Variants in CHMP2B observed in about 807,000 individuals in gnomAD.
CHMP2B encodes charged multivesicular body protein 2B.
A neutral mutation model predicts 29.8 loss-of-function variants in CHMP2B; 22 were observed. The ratio of observed to expected loss-of-function variants is 0.74; its 90% CI spans 0.53 to 1.05. CHMP2B has a LOEUF of 1.05. Among genes scored for constraint, CHMP2B ranks in the 50% least tolerant of loss-of-function variants. CHMP2B has a pLI of 0.00. For synonymous variants in CHMP2B, 78 were observed against 75.8 expected, an observed-to-expected ratio of 1.03 and a Z score of -0.15; for missense variants, 261 against 252.2, an observed-to-expected ratio of 1.03 and a Z score of -0.24.
At position 87,245,921 on chromosome 3, in the gene CHMP2B, T is replaced by C. The variant is rs1178974156; in HGVS notation, c.321+13T>C. The C allele has an allele frequency of 6.3e-7, 1 of 1,582,218 alleles. No individual in the cohort carries two copies. The highest frequency in any genetic ancestry group is 1.3e-5 in the African/African-American group (1 of 74,232). ...TACTACAGCAAAAGTAAGTGAGAGC[T>C]TTTATATTCATAGATTTTTAATTTT... is the stretch of plus-strand genomic sequence containing the variant. On this transcript the variant is annotated intron_variant, in intron 3 of 5. Transcript: ENST00000263780.
At chr3:87,241,866 A>G (rs889822074) in intron 2 of CHMP2B, among the ~76,000 whole-genome samples, 2 of 152,118 alleles carry the variant, frequency 1.3e-5, no homozygotes, top group African/African-American at 2.4e-5. Context: ...TTTAACTGCT[A>G]AAAAATTAAA....
chr3:87,230,844 T>C (rs1404278075), intron 1 of CHMP2B, among the ~76,000 whole-genome samples: 1 of 152,174 alleles, frequency 6.6e-6, no homozygotes, highest in African/African-American at 2.4e-5. Context: ...CTAATGGCCA[T>C]TATTAGTGAA....
chr3:87,237,790 G>C (rs1003951259), intron 1 of CHMP2B, among the ~76,000 whole-genome samples: 1 of 152,018 alleles, frequency 6.6e-6, no homozygotes, highest in African/African-American at 2.4e-5. Flanking sequence ...TTTATCTGTG[G>C]ATCATCCATG....
At chr3:87,253,584 A>G in intron 5 of CHMP2B, 74 bp downstream of exon 5, 1 of 1,342,170 alleles carries the variant, frequency 7.5e-7, no homozygotes, top group Non-Finnish European at 1.1e-6. Flanking sequence ...TTTTGTTTTT[A>G]CTAGGAGGTG....
chr3:87,227,637 T>TCCAGGGACAGTAGGC, intron 1 of CHMP2B, 81 bp downstream of exon 1: 3 of 1,569,732 alleles, frequency 1.9e-6, no homozygotes, highest in Non-Finnish European at 2.6e-6. Context: ...CGATTCTGCC[T>TCCAGGGACAGTAGGC]ACTGTCCCTG....
chr3:87,232,824 C>T (rs559262903), intron 1 of CHMP2B, among the ~76,000 whole-genome samples: 85 of 152,212 alleles, frequency 5.6e-4, no homozygotes, highest in Non-Finnish European at 1.0e-3. Flanking sequence ...TTACTAAAGC[C>T]TTTGCCGTTG....
intron 1 of CHMP2B, among the ~76,000 whole-genome samples, chr3:87,231,127 T>G (rs572721165): frequency 2.6e-5 from 4 of 152,278 alleles, no homozygotes; most frequent in African/African-American, 7.2e-5. Context: ...TAATTGTAAC[T>G]TAAGTACTGA....
intron 1 of CHMP2B, among the ~76,000 whole-genome samples, chr3:87,236,267 T>TA (rs1430039467): frequency 6.6e-6 from 1 of 152,158 alleles, no homozygotes. Flanking sequence ...CTCCCACACC[T>TA]ACCCCATATA....
At chr3:87,239,188 ATT>A (rs1706069920) in intron 1 of CHMP2B, among the ~76,000 whole-genome samples, 1 of 151,986 alleles carries the variant, frequency 6.6e-6, no homozygotes, top group African/African-American at 2.4e-5. Context: ...TATCAGATAT[ATT>A]GTTTGCATAT....
intron 2 of CHMP2B, among the ~76,000 whole-genome samples, chr3:87,242,811 A>G (rs971312117): frequency 3.9e-5 from 6 of 152,166 alleles, no homozygotes; most frequent in African/African-American, 7.2e-5. Flanking sequence ...CTTTTAAGCT[A>G]ATACCGCATT....
At chr3:87,234,271 C>G (rs908876603) in intron 1 of CHMP2B, among the ~76,000 whole-genome samples, 2 of 152,114 alleles carry the variant, frequency 1.3e-5, no homozygotes, top group African/African-American at 4.8e-5. Flanking sequence ...CATGGGAGAC[C>G]TTTTTTGTTT....
intron 3 of CHMP2B, among the ~76,000 whole-genome samples, chr3:87,249,495 A>C (rs1010135612): frequency 6.6e-6 from 1 of 152,062 alleles, no homozygotes; most frequent in Non-Finnish European, 1.5e-5. Flanking sequence ...TTAGACATTA[A>C]AATTTTAATG....
chr3:87,230,801 C>G (rs913688278), intron 1 of CHMP2B, among the ~76,000 whole-genome samples: 17 of 152,166 alleles, frequency 1.1e-4, no homozygotes, highest in African/African-American at 4.1e-4. Flanking sequence ...TGAGATGTTG[C>G]TTAGATCATC....
chr3:87,252,638 T>C (rs763387232), intron 4 of CHMP2B, among the ~76,000 whole-genome samples: 5 of 151,972 alleles, frequency 3.3e-5, no homozygotes, highest in Non-Finnish European at 7.4e-5. Context: ...TTCTTAATTT[T>C]TTTCTTTTAT....
chr3:87,227,617 C>T (rs2106886977), intron 1 of CHMP2B, 61 bp downstream of exon 1: 1 of 1,603,100 alleles, frequency 6.2e-7, no homozygotes, highest in African/African-American at 1.3e-5. Context: ...CTTTCGAGGC[C>T]TGCTGGCCGC....
rs140349455 is a variant in CHMP2B, at chr3:87,240,865, A to G, written c.126+75A>G. ...TTACTGTAGGAATAATTAGCTAACT[A>G]GGAAGAAGGCACATGGCAGGTGGTA... On this transcript the variant is annotated intron_variant, in intron 2 of 5. Coordinates refer to ENST00000263780, the MANE Select transcript of CHMP2B (RefSeq NM_014043.4). 6,017 of 1,080,992 alleles carry G rather than the reference A, an allele frequency of 5.6e-3. 31 individuals are homozygous for G. The highest frequency in any genetic ancestry group is 7.6e-3 in the Non-Finnish European group (5,323 of 696,634). 67.0% of individuals were successfully genotyped at this position (1,080,992 alleles called of 1,614,324 possible).
At chr3:87,228,524 G>A (rs1284837366) in intron 1 of CHMP2B, among the ~76,000 whole-genome samples, 2 of 152,186 alleles carry the variant, frequency 1.3e-5, no homozygotes, top group African/African-American at 2.4e-5. Context: ...TACAAATAGG[G>A]TGCTCAGTCC....
chr3:87,250,299 G>A (rs1004161294), intron 4 of CHMP2B, among the ~76,000 whole-genome samples: 1 of 151,954 alleles, frequency 6.6e-6, no homozygotes, highest in African/African-American at 2.4e-5. Flanking sequence ...CTGTATTAGA[G>A]GTAGAGGTAA....
chr3:87,237,433 G>A (rs1239319755), intron 1 of CHMP2B, among the ~76,000 whole-genome samples: 7 of 152,108 alleles, frequency 4.6e-5, no homozygotes, highest in Non-Finnish European at 8.8e-5. Flanking sequence ...AAGGAGAGAG[G>A]CCTCAGGAAA....
Sources: allele counts gnomAD v4.1 joint callset (sites outside exome capture counted in the v4.1 genomes callset), GRCh38; gene constraint gnomAD v4.1.1; transcripts MANE v1.5; gene names NCBI Gene and HGNC (gene_info 2026-07-23, HGNC 2026-07-21).